The following HLA-DQA2 variants were observed in gnomAD, a reference collection of about 807,000 sequenced individuals.
HLA-DQA2 encodes HLA class II histocompatibility antigen, DQ alpha 2 chain.
Under a neutral mutation model 21.0 loss-of-function variants are expected in HLA-DQA2, and 17 were observed. The observed-to-expected ratio is 0.81, with a 90% confidence interval of 0.56 to 1.22. HLA-DQA2 has a LOEUF of 1.22. Ranked by LOEUF, HLA-DQA2 falls within the 50% of genes most tolerant of loss-of-function variation. The probability of loss-of-function intolerance (pLI) is 0.00; values close to 1 mark genes in which losing one functional copy is unlikely to be tolerated. For missense variants in HLA-DQA2, 239 were observed against 308.8 expected (o/e 0.77, Z 1.69); for synonymous variants, 81 against 116.5 (o/e 0.70, Z 1.96).
chr6:32,745,352 A>C lies in HLA-DQA2; in HGVS notation c.276A>C (p.Gly92=), dbSNP rs200799307. ...PQSALRNMAV[G]KHTLEFMMRQ... ...GTGCACTGAGAAATATGGCTGTGGG[A>C]AAACACACCTTGGAATTCATGATGA... is the stretch of plus-strand genomic sequence containing the variant. Residue 92 remains glycine (G), a synonymous_variant, in exon 2 of 5, where the codon GGA becomes GGC. Transcript: ENST00000374940. The C allele has an allele frequency of 6.2e-7, 1 of 1,613,956 alleles. No homozygotes were observed. Among genetic ancestry groups the C allele is most frequent in the Admixed American group, 1.7e-5 (1 of 60,022 alleles).
chr6:32,742,401 T>C (rs1239237928), intron 1 of HLA-DQA2, among the ~76,000 whole-genome samples: 1 of 152,178 alleles, frequency 6.6e-6, no homozygotes, highest in African/African-American at 2.4e-5. Context: ...CACAGATAAT[T>C]ATTTGGTCCC....
intron 4 of HLA-DQA2, 38 bp from the exon 5 acceptor site, chr6:32,746,544 C>CGG (rs1213942399): frequency 4.3e-5 from 43 of 989,484 alleles, no homozygotes; most frequent in Non-Finnish European, 5.7e-5. Flanking sequence ...CACAGGAGGC[C>CGG]CCTCAGACCC....
intron 1 of HLA-DQA2, among the ~76,000 whole-genome samples, chr6:32,743,030 T>C (rs1763326542): frequency 6.8e-6 from 1 of 148,068 alleles, no homozygotes; most frequent in Non-Finnish European, 1.5e-5. Flanking sequence ...TGTGCACGGC[T>C]AATTTTTTGT....
At chr6:32,745,506 A>T (rs1763514277) in intron 2 of HLA-DQA2, 99 bp downstream of exon 2, 3 of 1,308,950 alleles carry the variant, frequency 2.3e-6, no homozygotes, top group Non-Finnish European at 3.2e-6. Flanking sequence ...TCTCATGGTA[A>T]TTGCTGAAAT....
intron 1 of HLA-DQA2, among the ~76,000 whole-genome samples, chr6:32,744,269 G>T (rs774063494): frequency 6.8e-6 from 1 of 147,616 alleles, no homozygotes; most frequent in African/African-American, 2.5e-5. Context: ...TGTCCAGTTC[G>T]GCTCATTTGG....
At chr6:32,744,673 T>TAAAA (rs9282270) in intron 1 of HLA-DQA2, among the ~76,000 whole-genome samples, 2 of 89,066 alleles carry the variant, frequency 2.2e-5, no homozygotes, top group South Asian at 4.2e-4. Context: ...TTCTTTGGTT[T>TAAAA]AAAAAAAAAA....
chr6:32,741,481 C>T lies in HLA-DQA2; in HGVS notation c.38C>T (p.Ala13Val), dbSNP rs1562179708. The T allele has an allele frequency of 1.2e-6, 2 of 1,614,064 alleles. No homozygotes were observed. The highest frequency in any genetic ancestry group is 1.7e-4 in the Middle Eastern group (1 of 6,052). ...AAAGCTCTGCTGCTGGGGGCCCTCG[C>T]CCTGACTGCCGTGATGAGCCCCTGT... ...LNKALLLGALALTAVMSPCGG... is the reference protein window; with the variant it reads ...LNKALLLGALVLTAVMSPCGG... The change falls in exon 1 of 5, where the codon GCC (alanine) becomes GTC (valine). Residue 13 changes from alanine to valine, a missense_variant. Coordinates refer to ENST00000374940, the MANE Select transcript of HLA-DQA2 (RefSeq NM_020056.5).
intron 2 of HLA-DQA2, 37 bp from the exon 3 acceptor site, chr6:32,745,754 A>G (rs766156589): frequency 3.7e-6 from 6 of 1,612,024 alleles, no homozygotes. Context: ...TGGCAGAGCT[A>G]TTCACACTTC....
intron 1 of HLA-DQA2, among the ~76,000 whole-genome samples, chr6:32,742,909 A>G (rs1260925915): frequency 2.1e-5 from 3 of 145,352 alleles, no homozygotes; most frequent in Admixed American, 7.0e-5. Flanking sequence ...TCTGTCGCCC[A>G]GGCTGGAGTG....
At chr6:32,743,676 T>C (rs144194251) in intron 1 of HLA-DQA2, among the ~76,000 whole-genome samples, 59 of 152,318 alleles carry the variant, frequency 3.9e-4, no homozygotes, top group African/African-American at 1.4e-3. Flanking sequence ...ATTCCACATA[T>C]ATTCATGTTT....
intron 3 of HLA-DQA2, 64 bp from the exon 4 acceptor site, chr6:32,746,176 C>G: frequency 6.4e-7 from 1 of 1,560,774 alleles, no homozygotes; most frequent in Non-Finnish European, 8.7e-7. Context: ...CCACCCCATC[C>G]CATCCCACAC....
chr6:32,746,182 C>T, intron 3 of HLA-DQA2, 58 bp from the exon 4 acceptor site: 2 of 1,575,244 alleles, frequency 1.3e-6, no homozygotes, highest in South Asian at 1.1e-5. Flanking sequence ...CATCCCATCC[C>T]ACACACATGC....
chr6:32,745,740 C>T (rs34292908), intron 2 of HLA-DQA2, 51 bp from the exon 3 acceptor site: 9 of 1,607,842 alleles, frequency 5.6e-6, no homozygotes, highest in East Asian at 2.2e-5. Context: ...AATGCAGAAG[C>T]TCATGGCAGA....
At position 32,745,153 on chromosome 6, in the gene HLA-DQA2, CG is replaced by C; in HGVS notation, c.83-5del. On this transcript the variant is annotated splice_region_variant and splice_polypyrimidine_tract_variant and intron_variant, in intron 1 of 4. Transcript: ENST00000374940. ...CACCCTCCTGCTTGTCACCTTCACTCGTCAGCTGACCATGTTGCCTCCTATG... is the reference window on the plus strand; with the variant it reads ...CACCCTCCTGCTTGTCACCTTCACTCTCAGCTGACCATGTTGCCTCCTATG... 2 of 1,612,760 alleles carry C rather than the reference CG, an allele frequency of 1.2e-6. No individual in the cohort carries two copies. Among genetic ancestry groups the C allele is most frequent in the Non-Finnish European group, 1.7e-6 (2 of 1,179,294 alleles).
chr6:32,745,255 T>G lies in HLA-DQA2; in HGVS notation c.179T>G (p.Val60Gly), dbSNP rs754460344. The G allele has an allele frequency of 3.1e-6, 5 of 1,614,012 alleles. No individual in the cohort carries two copies. The highest frequency in any genetic ancestry group is 4.2e-6 in the Non-Finnish European group (5 of 1,180,014). The change falls in exon 2 of 5, where the codon GTG becomes GGG. Residue 60 changes from valine to glycine, a missense_variant. By Grantham distance (109) the Val-to-Gly change is moderately radical. Transcript: ENST00000374940. ...HEFDGDEEFY[V>G]DLETKETVWQ... ...TTTGATGGAGACGAGGAGTTCTATG[T>G]GGACCTGGAGACGAAAGAGACTGTC...
At position 32,741,567 on chromosome 6, in the gene HLA-DQA2, A is replaced by G. The variant is rs1044107655; in HGVS notation, c.82+42A>G. 8 of 1,559,856 alleles carry G rather than the reference A, an allele frequency of 5.1e-6. No homozygotes were observed. In the African/African-American group the frequency reaches 8.2e-5, roughly 16 times the overall value. On this transcript the variant is annotated intron_variant, in intron 1 of 4. Coordinates refer to ENST00000374940, the MANE Select transcript of HLA-DQA2 (RefSeq NM_020056.5). ...GGAATGTTCTCTGGAGCTGAAAAAC[A>G]GTAAATTAAAGGAAAAGAGAGAGTG...
Position 32,745,367 on chromosome 6 carries a change from A to T in HLA-DQA2, c.291A>T (p.Glu97Asp), listed in dbSNP as rs755904278. The stretch of plus-strand genomic sequence containing the variant: ...TGGCTGTGGGAAAACACACCTTGGA[A>T]TTCATGATGAGACAGTCCAACTCTA... Reference protein sequence around the residue: ...RNMAVGKHTLEFMMRQSNSTA... With the variant: ...RNMAVGKHTLDFMMRQSNSTA... The change falls in exon 2 of 5, where the codon GAA becomes GAT. Residue 97 changes from glutamate (E) to aspartate (D), a missense_variant. By Grantham distance (45) the Glu-to-Asp change is conservative. Transcript: ENST00000374940. 1.9e-6 allele frequency: 3 copies of T among 1,580,246 alleles called. No individual in the cohort carries two copies. The East Asian group carries it at 6.9e-5, about 36-fold the overall frequency.
At chr6:32,744,458 TA>T (rs1763424403) in intron 1 of HLA-DQA2, among the ~76,000 whole-genome samples, 1 of 147,522 alleles carries the variant, frequency 6.8e-6, no homozygotes, top group African/African-American at 2.5e-5. Flanking sequence ...TGACAGAAAT[TA>T]AAAAACCAGT....
chr6:32,743,482 C>T (rs563775447), intron 1 of HLA-DQA2, among the ~76,000 whole-genome samples: 1 of 152,274 alleles, frequency 6.6e-6, no homozygotes, highest in Non-Finnish European at 1.5e-5. Flanking sequence ...GCAGAGGGTG[C>T]ACAAACCAGT....
Sources: allele counts gnomAD v4.1 joint callset (sites outside exome capture counted in the v4.1 genomes callset), GRCh38; gene constraint gnomAD v4.1.1; transcripts MANE v1.5; gene names NCBI Gene and HGNC (gene_info 2026-07-23, HGNC 2026-07-21).